COL22A1: variants seen among roughly 807,000 people sequenced by gnomAD.
The protein encoded by COL22A1 is collagen type XXII alpha 1 chain, also known as collagen alpha-1(XXII) chain.
In COL22A1, 221 loss-of-function variants were observed where a neutral mutation model predicts 248.9. The ratio of observed to expected loss-of-function variants is 0.89; its 90% CI spans 0.80 to 0.99. COL22A1 has a LOEUF of 0.99. Among genes scored for constraint, COL22A1 ranks in the 50% least tolerant of loss-of-function variants. COL22A1 has a pLI of 0.00. For synonymous variants in COL22A1, 891 were observed against 793.4 expected (o/e 1.12, Z -2.07); for missense variants, 2,240 against 2,179.0 (o/e 1.03, Z -0.56).
At chr8:138,861,875 G>A (rs1822488075) in intron 3 of COL22A1, among the ~76,000 whole-genome samples, 1 of 152,082 alleles carries the variant, frequency 6.6e-6, no homozygotes. Context: ...CTATCTGGAT[G>A]TTTTCTATCC....
In COL22A1 at chr8:138,762,466, C is replaced by A; in HGVS notation, c.1804G>T (p.Gly602Ter). The A allele has an allele frequency of 6.2e-7, 1 of 1,614,140 alleles. No homozygotes were observed. Among genetic ancestry groups the A allele is most frequent in the South Asian group, 1.1e-5 (1 of 91,086 alleles). The change falls in exon 17 of 65, where the codon GGA becomes TGA. Residue 602 changes from glycine to a stop codon, truncating the protein, a stop_gained and splice_region_variant. Coordinates refer to ENST00000303045, the MANE Select transcript of COL22A1 (RefSeq NM_152888.3). LOFTEE classifies it high-confidence loss of function. ...RGEKGTRGEK[G>*]ERGLDGFPGK... ...GGGAATCCATCCAGGCCTCGCTCTC[C>A]CTGGCAAAAGAAGGCAAATGGTGAA...
In COL22A1 at chr8:138,778,389, A is replaced by G. The variant is rs1358203285; in HGVS notation, c.1722T>C (p.Pro574=). The G allele has an allele frequency of 2.5e-6, 4 of 1,606,318 alleles. No homozygotes were observed. The highest frequency in any genetic ancestry group is 1.1e-5 in the South Asian group (1 of 89,440). Residue 574 remains proline (P), a synonymous_variant, in exon 15 of 65, where the codon CCT becomes CCC. Transcript: ENST00000303045. ...CACGTCCAGGAGGTCCGGGGAGTCCAGGTGGTCCTTGGGGCCCCTGCAGAA... is the reference window on the plus strand; with the variant it reads ...CACGTCCAGGAGGTCCGGGGAGTCCGGGTGGTCCTTGGGGCCCCTGCAGAA... ...EVGMRGPQGP[P]GLPGPPGRVG...
intron 50 of COL22A1, 124 bp from the exon 51 acceptor site, chr8:138,626,367 C>T (rs1564113072): frequency 2.5e-6 from 2 of 804,854 alleles, no homozygotes; most frequent in Admixed American, 2.3e-5. Context: ...ACAAGGAGTG[C>T]TTCTGTATCA....
In COL22A1 at chr8:138,811,801, T is replaced by G. The variant is rs773134841; in HGVS notation, c.1447A>C (p.Lys483Gln). 3 of 1,570,772 alleles carry G rather than the reference T, an allele frequency of 1.9e-6. No individual in the cohort carries two copies. The highest frequency in any genetic ancestry group is 2.6e-6 in the Non-Finnish European group (3 of 1,154,094). ...TINCSCPAGE[K>Q]GEMGVAGPMG... is the part of the protein sequence containing the mutation. Reference sequence around the variant, plus strand: ...TGAAGGTGGACTGCAGACAATACCTTCTCTCCAGCTGGGCAGGAGCAGTTG... The same window carrying G: ...TGAAGGTGGACTGCAGACAATACCTGCTCTCCAGCTGGGCAGGAGCAGTTG... The change falls in exon 9 of 65, where the codon AAG becomes CAG. Residue 483 changes from lysine (K) to glutamine (Q), a missense_variant and splice_region_variant. Transcript: ENST00000303045.
At chr8:138,702,917 C>T (rs1828084456) in intron 31 of COL22A1, among the ~76,000 whole-genome samples, 1 of 152,132 alleles carries the variant, frequency 6.6e-6, no homozygotes, top group Non-Finnish European at 1.5e-5. Flanking sequence ...ATACTCAATA[C>T]CAACTCACCA....
chr8:138,755,315 T>C, intron 20 of COL22A1, 105 bp from the exon 21 acceptor site: 2 of 1,352,106 alleles, frequency 1.5e-6, no homozygotes, highest in Non-Finnish European at 2.1e-6. Flanking sequence ...ACTTTCCAAG[T>C]TCTCGATAGG....
chr8:138,715,719 A>G lies in COL22A1; in HGVS notation c.2480T>C (p.Leu827Pro), dbSNP rs764483280. Residue 827 changes from leucine to proline, a missense_variant, in exon 30 of 65, where the codon CTG becomes CCG. Leu to Pro is a moderately conservative substitution (Grantham distance 98, BLOSUM62 -3). Transcript: ENST00000303045. ...GTCACCTTTCAGTCCTGGAAGTCCCAGTTCACCTTTTTCTCCCTATAATAA... is the reference window on the plus strand; with the variant it reads ...GTCACCTTTCAGTCCTGGAAGTCCCGGTTCACCTTTTTCTCCCTATAATAA... ...EKGDQGEKGE[L>P]GLPGLKGDRG... The G allele has an allele frequency of 6.2e-7, 1 of 1,612,644 alleles. No individual in the cohort carries two copies. Among genetic ancestry groups the G allele is most frequent in the Non-Finnish European group, 8.5e-7 (1 of 1,178,976 alleles).
intron 26 of COL22A1, among the ~76,000 whole-genome samples, chr8:138,721,499 T>C (rs1339933121): frequency 2.6e-5 from 4 of 152,358 alleles, no homozygotes; most frequent in East Asian, 1.9e-4. Context: ...CACCAGAACA[T>C]TGTTAAAATT....
At chr8:138,776,102 C>T in intron 15 of COL22A1, 92 bp from the exon 16 acceptor site, 1 of 1,281,282 alleles carries the variant, frequency 7.8e-7, no homozygotes, top group East Asian at 2.3e-5. Flanking sequence ...TGCCTGGCAG[C>T]TTCCAGCCCA....
chr8:138,724,702 G>T lies in COL22A1; in HGVS notation c.2194-34C>A, dbSNP rs146808195. 2,323 of 1,601,930 alleles carry T rather than the reference G, an allele frequency of 1.5e-3. 58 individuals are homozygous for T. In the East Asian group the frequency reaches 0.045, roughly 31 times the overall value. The stretch of plus-strand genomic sequence containing the variant: ...GGACCACATGGACCCTGTTAGCCTG[G>T]CCTGTTCAGAGATCAGATCATTGAC... On this transcript the variant is annotated intron_variant, in intron 24 of 64. Coordinates refer to ENST00000303045, the MANE Select transcript of COL22A1 (RefSeq NM_152888.3).
Position 138,762,471 on chromosome 8 carries a change from C to A in COL22A1, c.1804-5G>T, listed in dbSNP as rs1202925244. On this transcript the variant is annotated splice_polypyrimidine_tract_variant and splice_region_variant and intron_variant, in intron 16 of 64. Coordinates refer to ENST00000303045, the MANE Select transcript of COL22A1 (RefSeq NM_152888.3). ...TCCATCCAGGCCTCGCTCTCCCTGGCAAAAGAAGGCAAATGGTGAAATAAA... is the reference window on the plus strand; with the variant it reads ...TCCATCCAGGCCTCGCTCTCCCTGGAAAAAGAAGGCAAATGGTGAAATAAA... 8 of 1,613,880 alleles carry A rather than the reference C, an allele frequency of 5.0e-6. No homozygotes were observed. Among genetic ancestry groups the A allele is most frequent in the African/African-American group, 2.7e-5 (2 of 74,922 alleles).
chr8:138,654,706 T>G (rs1265324389), intron 45 of COL22A1, among the ~76,000 whole-genome samples: 1 of 152,202 alleles, frequency 6.6e-6, no homozygotes, highest in African/African-American at 2.4e-5. Flanking sequence ...TCACAGCCTT[T>G]CACAGCTCTC....
At chr8:138,883,277 C>G (rs1824382009) in intron 1 of COL22A1, 33 bp from the exon 2 acceptor site, 2 of 1,203,724 alleles carry the variant, frequency 1.7e-6, no homozygotes, top group Non-Finnish European at 1.2e-6. Context: ...AGAGAAGGCT[C>G]TCAAGCTGAA....
intron 16 of COL22A1, among the ~76,000 whole-genome samples, chr8:138,771,137 C>G (rs1045744208): frequency 3.3e-5 from 5 of 152,202 alleles, no homozygotes; most frequent in African/African-American, 1.2e-4. Context: ...GCCACGGCCA[C>G]GTCACCTGGT....
At chr8:138,768,313 G>A (rs75364771) in intron 16 of COL22A1, among the ~76,000 whole-genome samples, 145 of 152,194 alleles carry the variant, frequency 9.5e-4, no homozygotes, top group African/African-American at 3.4e-3. Flanking sequence ...CGGCACTGTT[G>A]ACTGTCACTG....
At chr8:138,665,695 C>T (rs928261480) in intron 41 of COL22A1, among the ~76,000 whole-genome samples, 1 of 152,138 alleles carries the variant, frequency 6.6e-6, no homozygotes, top group Non-Finnish European at 1.5e-5. Context: ...AAGCTGTTCA[C>T]CACAAGGACA....
chr8:138,901,626 C>G (rs1399341785), intron 1 of COL22A1, among the ~76,000 whole-genome samples: 2 of 152,104 alleles, frequency 1.3e-5, no homozygotes, highest in African/African-American at 4.8e-5. Context: ...CTCAGCCTCA[C>G]AAAGTGCTAG....
chr8:138,693,611 C>A, intron 35 of COL22A1, 35 bp downstream of exon 35: 1 of 1,559,460 alleles, frequency 6.4e-7, no homozygotes, highest in South Asian at 1.2e-5. Context: ...CCCTCCGGGG[C>A]TCCCCCACGA....
intron 49 of COL22A1, among the ~76,000 whole-genome samples, chr8:138,631,038 T>C (rs954680218): frequency 2.6e-5 from 4 of 152,192 alleles, no homozygotes; most frequent in Non-Finnish European, 5.9e-5. Flanking sequence ...CCACCTTTAC[T>C]CTCTTGCTTC....
Sources: gnomAD v4.1 joint callset for allele counts (sites outside exome capture counted in the v4.1 genomes callset) on GRCh38, gnomAD v4.1.1 for gene constraint, MANE v1.5 for transcripts, NCBI Gene and HGNC (gene_info 2026-07-23, HGNC 2026-07-21) for gene names.